EBF4: variants seen among roughly 807,000 people sequenced by gnomAD.
EBF4 encodes EBF transcription factor 4.
Under a neutral mutation model 67.1 loss-of-function variants are expected in EBF4, and 34 were observed. The observed-to-expected ratio is 0.51, with a 90% CI of 0.39 to 0.67. The LOEUF is 0.67. Among genes scored for constraint, EBF4 ranks in the 30% least tolerant of loss-of-function variants. The pLI, the probability that EBF4 is intolerant of heterozygous loss-of-function variation, is 0.00. For synonymous variants in EBF4, 387 were observed against 377.7 expected, an observed-to-expected ratio of 1.02 and a Z score of -0.29; for missense variants, 837 against 873.3, an observed-to-expected ratio of 0.96 and a Z score of 0.52.
intron 6 of EBF4, among the ~76,000 whole-genome samples, chr20:2,742,602 G>A (rs1238700496): frequency 1.3e-5 from 2 of 152,136 alleles, no homozygotes; most frequent in Non-Finnish European, 2.9e-5. Flanking sequence ...CAGTGGGATG[G>A]CACTGGGCAC....
At chr20:2,712,988 A>C (rs1568571361) in intron 6 of EBF4, among the ~76,000 whole-genome samples, 2 of 152,186 alleles carry the variant, frequency 1.3e-5, no homozygotes, top group Non-Finnish European at 1.5e-5. Context: ...GACTGATAGA[A>C]TTGTGTCTAA....
chr20:2,694,468 A>C lies in EBF4; in HGVS notation c.137+686A>C, dbSNP rs1004851949. Among the ~76,000 whole-genome samples, 5 of 152,284 alleles carry C rather than the reference A, an allele frequency of 3.3e-5. No homozygotes were observed. The East Asian group carries it at 9.7e-4, about 29-fold the overall frequency. ...TCCTTTGCAGGGGTCTGGGAGTCTC[A>C]GTAGGGGGTTGACTCCAGGATTTGA... On this transcript the variant is annotated intron_variant, in intron 1 of 16. Transcript: ENST00000609451.
chr20:2,743,336 GC>G (rs1007101697), intron 6 of EBF4, among the ~76,000 whole-genome samples: 17 of 152,198 alleles, frequency 1.1e-4, no homozygotes, highest in Admixed American at 2.0e-4. Context: ...CCAGGGGAGA[GC>G]CCGGGCACTG....
intron 6 of EBF4, among the ~76,000 whole-genome samples, chr20:2,734,350 G>T (rs538212501): frequency 6.6e-6 from 1 of 152,304 alleles, no homozygotes; most frequent in South Asian, 2.1e-4. Flanking sequence ...CAAGGCTTCA[G>T]TGAGCCATGA....
chr20:2,715,547 T>G (rs1480409721), intron 6 of EBF4, among the ~76,000 whole-genome samples: 3 of 152,166 alleles, frequency 2.0e-5, no homozygotes, highest in Non-Finnish European at 4.4e-5. Flanking sequence ...TGTCAACTGT[T>G]TTCCAAGGTG....
At chr20:2,703,143 G>C (rs1381833394) in intron 1 of EBF4, among the ~76,000 whole-genome samples, 1 of 151,766 alleles carries the variant, frequency 6.6e-6, no homozygotes, top group Non-Finnish European at 1.5e-5. Context: ...TGTAGTCCCA[G>C]CTAGTCAGGA....
In EBF4 at chr20:2,706,021, G is replaced by A. The variant is rs750307725; in HGVS notation, c.342G>A (p.Arg114=). The change falls in exon 3 of 17, where the codon CGG becomes CGA. Residue 114 remains arginine (R), a synonymous_variant. Coordinates refer to ENST00000609451, the Ensembl canonical transcript of EBF4. The stretch of plus-strand genomic sequence containing the variant: ...ACAATGGGATCCATTACCGCCTCCG[G>A]CTGGTGTATAACAATGGTGAGTGGA... The A allele has an allele frequency of 1.0e-5, 16 of 1,551,602 alleles. No individual in the cohort carries two copies. The African/African-American group carries it at 2.1e-4, about 20-fold the overall frequency.
At chr20:2,700,528 G>C (rs2087359213) in intron 1 of EBF4, among the ~76,000 whole-genome samples, 1 of 152,130 alleles carries the variant, frequency 6.6e-6, no homozygotes, top group Admixed American at 6.5e-5. Context: ...ACATCTCTCT[G>C]TCTCTAAGCC....
At chr20:2,732,173 A>ACTCACTACAGCCTTAGGG (rs2087822344) in intron 6 of EBF4, among the ~76,000 whole-genome samples, 1 of 151,766 alleles carries the variant, frequency 6.6e-6, no homozygotes, top group African/African-American at 2.4e-5. Flanking sequence ...TGCAGTCTCA[A>ACTCACTACAGCCTTAGGG]CTCACTACAG....
rs1042097408 is a variant in EBF4, at chr20:2,755,511, C to T, written c.1541-116C>T. The T allele has an allele frequency of 1.5e-6, 1 of 647,266 alleles. No homozygotes were observed. The highest frequency in any genetic ancestry group is 2.8e-6 in the Non-Finnish European group (1 of 356,604). 40.1% of individuals were successfully genotyped at this position (647,266 alleles called of 1,614,324 possible). A position where few individuals can be genotyped will look rare whatever the true frequency, so the allele number is the denominator to read the frequency against. On this transcript the variant is annotated intron_variant, in intron 14 of 16. Coordinates refer to ENST00000609451, the Ensembl canonical transcript of EBF4. This position sits in a 1 kb window ranked among gnomAD's most constrained non-coding sequence, Gnocchi z 4.7. ...TCCCAGTGAGATCTGAGCCTGGTAC[C>T]TGTGTCAGCAGCCCATGTGGGGCCC... is the stretch of plus-strand genomic sequence containing the variant.
chr20:2,693,902 C>T lies in EBF4; in HGVS notation c.137+120C>T. ...GAGCCCTAACTCTGGACGGTCCCGG[C>T]GAGCTCCCCGGCCCACCCCGTCCGG... On this transcript the variant is annotated intron_variant, in intron 1 of 16. Transcript: ENST00000609451. The surrounding 1 kb of genome is among the most constrained non-coding windows in gnomAD (Gnocchi z 4.6). 1 of 1,202,662 alleles carries T rather than the reference C, an allele frequency of 8.3e-7. No homozygotes were observed. Among genetic ancestry groups the T allele is most frequent in the Non-Finnish European group, 1.0e-6 (1 of 959,212 alleles). 74.5% of individuals were successfully genotyped at this position (1,202,662 alleles called of 1,614,324 possible).
upstream of EBF4, among the ~76,000 whole-genome samples, chr20:2,693,361 C>T (rs1260760206): frequency 6.6e-6 from 1 of 150,902 alleles, no homozygotes; most frequent in African/African-American, 2.4e-5. This position sits in a 1 kb window ranked among gnomAD's most constrained non-coding sequence, Gnocchi z 4.6. Context: ...CTCCGCTCCC[C>T]GCCCTCCCCG....
chr20:2,751,043 G>A lies in EBF4; in HGVS notation c.1019-657G>A, dbSNP rs1309456028. The stretch of plus-strand genomic sequence containing the variant: ...GGATCAGGAAAAGGGGAAGGAGGAG[G>A]AGAAGGGCGTGGGGAGCTGGGTCAG... On this transcript the variant is annotated intron_variant, in intron 10 of 16. Transcript: ENST00000609451. This position sits in a 1 kb window ranked among gnomAD's most constrained non-coding sequence, Gnocchi z 5.2. 1.3e-5 allele frequency among the ~76,000 whole-genome samples: 2 copies of A among 152,044 alleles called. No homozygotes were observed. The highest frequency in any genetic ancestry group is 3.9e-4 in the East Asian group (2 of 5,174).
rs1377422109 is a variant in EBF4 at position 2,749,794 on chromosome 20, G to A, written c.891+41G>A. The A allele has an allele frequency of 6.5e-6, 10 of 1,541,406 alleles. No homozygotes were observed. The Admixed American group carries it at 2.0e-4, about 31-fold the overall frequency. On this transcript the variant is annotated intron_variant, in intron 9 of 16. Coordinates refer to ENST00000609451, the Ensembl canonical transcript of EBF4. ...CAGTCTCCCTCTGGGCCTAGGGGCT[G>A]GGCCCTCCCCTCGCCGGTGCGGGAC...
At chr20:2,735,879 A>G (rs1271241232) in intron 6 of EBF4, among the ~76,000 whole-genome samples, 2 of 151,542 alleles carry the variant, frequency 1.3e-5, no homozygotes, top group African/African-American at 4.9e-5. Flanking sequence ...AGTAGAGATT[A>G]TCTATAATTA....
Position 2,745,263 on chromosome 20 carries a change from C to T in EBF4, c.558-3286C>T, listed in dbSNP as rs181364842. 6.6e-6 allele frequency among the ~76,000 whole-genome samples: 1 copy of T among 152,298 alleles called. No homozygotes were observed. Among genetic ancestry groups the T allele is most frequent in the East Asian group, 1.9e-4 (1 of 5,184 alleles). ...CAGGCTCTCTGACTGGGAGAAGCCT[C>T]GTGGACTACCAGCTGGAAGGGAGTG... is the stretch of plus-strand genomic sequence containing the variant. On this transcript the variant is annotated intron_variant, in intron 6 of 16. Coordinates refer to ENST00000609451, the Ensembl canonical transcript of EBF4. This position sits in a 1 kb window ranked among gnomAD's most constrained non-coding sequence, Gnocchi z 5.2.
chr20:2,718,606 T>C (rs1048889903), intron 6 of EBF4, among the ~76,000 whole-genome samples: 1 of 152,226 alleles, frequency 6.6e-6, no homozygotes, highest in Non-Finnish European at 1.5e-5. Context: ...CCATTTAGTA[T>C]TTCTAGAACC....
chr20:2,748,678 TGGAGG>T lies in EBF4; in HGVS notation c.639+61_639+65del, dbSNP rs765461472. On this transcript the variant is annotated intron_variant, in intron 7 of 16. Transcript: ENST00000609451. ...CCCTTGCAACCCCACCCTTTCCTGA[TGGAGG>T]GGAGGGGAGGGGGAAGGGAAGGCTG... 3.3e-6 allele frequency: 5 copies of T among 1,524,838 alleles called. No homozygotes were observed. In the South Asian group the frequency reaches 4.8e-5, roughly 15 times the overall value. The allele number at this position is 1,524,838 out of a possible 1,614,324, so 94.5% of individuals were successfully genotyped here.
rs539502647 is a variant in EBF4 at position 2,713,642 on chromosome 20, T to C, written c.557+4000T>C. Among the ~76,000 whole-genome samples, 5 of 152,180 alleles carry C rather than the reference T, an allele frequency of 3.3e-5. No individual in the cohort carries two copies. The East Asian group carries it at 9.6e-4, about 29-fold the overall frequency. On this transcript the variant is annotated intron_variant, in intron 6 of 16. Coordinates refer to ENST00000609451, the Ensembl canonical transcript of EBF4. ...AAACCAGAGTTAGAGGTTTGTCAGT[T>C]GAGTAGAAGGAAACATGAGAGGGCA...
Sources: allele counts gnomAD v4.1 joint callset (sites outside exome capture counted in the v4.1 genomes callset), GRCh38; gene constraint gnomAD v4.1.1; non-coding constraint Gnocchi (gnomAD v3.1); transcripts MANE v1.5; gene names NCBI Gene and HGNC (gene_info 2026-07-23, HGNC 2026-07-21).